DNAH14: variants seen among roughly 807,000 people sequenced by gnomAD.
The protein encoded by DNAH14 is dynein axonemal heavy chain 14.
Under a neutral mutation model 520.9 loss-of-function variants are expected in DNAH14, and 478 were observed. That is an observed-to-expected ratio of 0.92 (90% CI 0.85 to 0.99). The LOEUF (loss-of-function observed/expected upper bound fraction) is 0.99, where lower values mean the gene tolerates loss of function less well. Among genes scored for constraint, DNAH14 ranks in the 50% least tolerant of loss-of-function variants. The pLI is 0.00. For missense variants in DNAH14, 4,831 were observed against 5,234.5 expected (o/e 0.92, Z 2.38); for synonymous variants, 1,581 against 1,757.2 (o/e 0.90, Z 2.51).
intron 46 of DNAH14, 31 bp from the exon 47 acceptor site, chr1:225,264,166 A>G: frequency 6.6e-7 from 1 of 1,522,716 alleles, no homozygotes. Context: ...TAAACAAACT[A>G]ATTTTGAATC....
At chr1:225,350,517 C>T (rs2095350789) in intron 71 of DNAH14, among the ~76,000 whole-genome samples, 1 of 151,372 alleles carries the variant, frequency 6.6e-6, no homozygotes, top group Middle Eastern at 3.2e-3. Flanking sequence ...GCTCAGTTAA[C>T]TAAGAAAAAA....
intron 21 of DNAH14, among the ~76,000 whole-genome samples, chr1:225,090,174 A>G (rs3128663): frequency 0.069 from 10,500 of 152,198 alleles, 572 homozygotes; most frequent in East Asian, 0.24. Context: ...GCATAAAAAT[A>G]AGATATATAA....
At chr1:224,947,272 T>C (rs1001488774) in intron 1 of DNAH14, among the ~76,000 whole-genome samples, 2 of 152,210 alleles carry the variant, frequency 1.3e-5, no homozygotes, top group African/African-American at 4.8e-5. Flanking sequence ...TGTAAATTTC[T>C]ATGTTCCATT....
intron 72 of DNAH14, 38 bp downstream of exon 72, chr1:225,351,921 T>TC (rs1382224376): frequency 6.9e-7 from 1 of 1,456,952 alleles, no homozygotes. Context: ...AACTTAAGTA[T>TC]GTGTGTATGT....
intron 60 of DNAH14, among the ~76,000 whole-genome samples, chr1:225,312,506 C>A: frequency 6.6e-6 from 1 of 152,274 alleles, no homozygotes; most frequent in South Asian, 2.1e-4. Flanking sequence ...TGAGAGAAGG[C>A]ATCCTTGTCT....
At chr1:225,124,511 AC>A (rs2077543340) in intron 27 of DNAH14, among the ~76,000 whole-genome samples, 1 of 152,222 alleles carries the variant, frequency 6.6e-6, no homozygotes, top group South Asian at 2.1e-4. Flanking sequence ...ATCTCAAGAA[AC>A]AACTTTCTTT....
chr1:224,968,338 CATG>C (rs1285332546), intron 6 of DNAH14, among the ~76,000 whole-genome samples: 35 of 149,386 alleles, frequency 2.3e-4, no homozygotes, highest in African/African-American at 9.0e-4. Flanking sequence ...TGATGAAGGG[CATG>C]TAGTTTTTGA....
At chr1:225,135,922 C>CT (rs1156651089) in intron 27 of DNAH14, among the ~76,000 whole-genome samples, 1 of 152,132 alleles carries the variant, frequency 6.6e-6, no homozygotes, top group South Asian at 2.1e-4. Context: ...CCTTCTTTGT[C>CT]TTTTTTTATC....
At chr1:224,929,655 G>C (rs1430202840), upstream of DNAH14, 3 of 702,344 alleles carry the variant, frequency 4.3e-6, no homozygotes, top group African/African-American at 3.5e-5. Flanking sequence ...CTCTTCGCCA[G>C]GGCGCAGGCG....
At position 225,185,334 on chromosome 1, in the gene DNAH14, A is replaced by C; in HGVS notation, c.5579A>C (p.Lys1860Thr). The C allele has an allele frequency of 6.5e-7, 1 of 1,547,618 alleles. No individual in the cohort carries two copies. The highest frequency in any genetic ancestry group is 8.7e-7 in the Non-Finnish European group (1 of 1,145,430). Residue 1860 changes from lysine (K) to threonine (T), a missense_variant, in exon 37 of 86, where the codon AAG becomes ACG. Transcript: ENST00000682510. ...TTAGTGGGCCCAACAGGTGGAGGAA[A>C]GACAACAGTCAGAAGAATTTTGGAA... ...VMLVGPTGGG[K>T]TTVRRILEKA...
At chr1:224,976,024 A>G (rs201476145) in intron 8 of DNAH14, among the ~76,000 whole-genome samples, 8,164 of 151,408 alleles carry the variant, frequency 0.054, 437 homozygotes, top group East Asian at 0.23. Context: ...GTTTCCATGT[A>G]GTTGAGCGGT....
chr1:225,239,346 G>A (rs577144818), intron 42 of DNAH14, among the ~76,000 whole-genome samples: 90 of 152,214 alleles, frequency 5.9e-4, no homozygotes, highest in African/African-American at 2.1e-3. Context: ...CTGATCTGTG[G>A]GTTGCAAAGA....
At chr1:224,945,104 A>T (rs2059706270) in intron 1 of DNAH14, among the ~76,000 whole-genome samples, 1 of 151,968 alleles carries the variant, frequency 6.6e-6, no homozygotes, top group Admixed American at 6.6e-5. Flanking sequence ...ACTTGGTTCC[A>T]TTCTCCCCGT....
intron 21 of DNAH14, among the ~76,000 whole-genome samples, chr1:225,090,686 A>G (rs866180922): frequency 2.6e-5 from 4 of 152,070 alleles, no homozygotes; most frequent in Middle Eastern, 3.2e-3. Flanking sequence ...CAAACAAAAA[A>G]CTCTTAAGCC....
chr1:225,038,426 TG>T (rs902929093), intron 11 of DNAH14, among the ~76,000 whole-genome samples: 67 of 150,684 alleles, frequency 4.4e-4, no homozygotes, highest in Admixed American at 2.0e-3. Flanking sequence ...TATTATTTTC[TG>T]TTTTTTTTAA....
intron 62 of DNAH14, among the ~76,000 whole-genome samples, chr1:225,323,166 A>G (rs916778071): frequency 1.3e-5 from 2 of 152,202 alleles, no homozygotes; most frequent in African/African-American, 2.4e-5. Flanking sequence ...GCCCCAGGCC[A>G]TACCACCATT....
At chr1:225,114,311 A>G (rs1573206207) in intron 23 of DNAH14, among the ~76,000 whole-genome samples, 2 of 152,264 alleles carry the variant, frequency 1.3e-5, no homozygotes, top group Admixed American at 1.3e-4. Context: ...TGGGAGCCTC[A>G]TGACCCTGCC....
intron 55 of DNAH14, among the ~76,000 whole-genome samples, chr1:225,293,762 T>C (rs1234283184): frequency 6.6e-6 from 1 of 152,116 alleles, no homozygotes; most frequent in Non-Finnish European, 1.5e-5. Flanking sequence ...CAAACCCCCA[T>C]GACACAAGTT....
chr1:224,998,775 A>G (rs1006576299), intron 8 of DNAH14, among the ~76,000 whole-genome samples: 4 of 152,042 alleles, frequency 2.6e-5, no homozygotes, highest in African/African-American at 7.2e-5. Context: ...GCTTAGATCC[A>G]CTTGGTAGAA....
Sources: gnomAD v4.1 joint callset for allele counts (sites outside exome capture counted in the v4.1 genomes callset) on GRCh38, gnomAD v4.1.1 for gene constraint, MANE v1.5 for transcripts, NCBI Gene and HGNC (gene_info 2026-07-23, HGNC 2026-07-21) for gene names.